Variants in ATP8B1 observed in about 807,000 individuals in gnomAD.
ATP8B1 encodes ATPase phospholipid transporting 8B1.
In ATP8B1, 80 loss-of-function variants were observed where a neutral mutation model predicts 149.9. That is an observed-to-expected ratio of 0.53 (90% CI 0.45 to 0.64). ATP8B1 has a LOEUF of 0.64. Ranked by LOEUF, ATP8B1 falls within the 30% of genes least tolerant of loss-of-function variation. The pLI, the probability that ATP8B1 is intolerant of heterozygous loss-of-function variation, is 0.00. For synonymous variants in ATP8B1, 536 were observed against 562.8 expected (o/e 0.95, Z 0.67); for missense variants, 1,247 against 1,552.6 (o/e 0.80, Z 3.31).
intron 1 of ATP8B1, chr18:57,732,143 G>GTATATATATGTGTATATA (rs1401834198): frequency 1.4e-4 from 5 of 36,790 alleles, no homozygotes; most frequent in Non-Finnish European, 2.2e-4. Context: ...ATGTATATAT[G>GTATATATATGTGTATATA]TGTATATATG....
In ATP8B1 at chr18:57,720,186, C is replaced by T. The variant is rs1213750847; in HGVS notation, c.181+11441G>A. On this transcript the variant is annotated intron_variant, in intron 2 of 27. Coordinates refer to ENST00000648908, the MANE Select transcript of ATP8B1 (RefSeq NM_001374385.1). ...AAACTGGAAACTCTAAAACGCAGAG[C>T]GTCTCTCCTCCTCCAAAGGAACGCA... Among the ~76,000 whole-genome samples the T allele has an allele frequency of 4.7e-5, 7 of 148,734 alleles. 1 individual carries two copies. In the South Asian group the frequency reaches 6.6e-4, roughly 14 times the overall value.
intron 1 of ATP8B1, among the ~76,000 whole-genome samples, chr18:57,757,626 A>G (rs987465411): frequency 1.3e-5 from 2 of 152,124 alleles, no homozygotes; most frequent in African/African-American, 4.8e-5. Flanking sequence ...GATTCCCACA[A>G]TGTTCTTTTC....
In ATP8B1 at chr18:57,694,592, A is replaced by G. The variant is rs1912708240; in HGVS notation, c.1019T>C (p.Met340Thr). The change falls in exon 11 of 28, where the codon ATG (methionine) becomes ACG (threonine). Residue 340 changes from methionine (M) to threonine (T), a missense_variant. Transcript: ENST00000648908. ...ATGAAAAATAAATACCGTGTAAACC[A>G]TGTAGTTCATCAAGTAATCAATTTT... The part of the protein sequence containing the change: ...RTKIDYLMNY[M>T]VYTIFVVLIL... The G allele has an allele frequency of 1.9e-6, 3 of 1,564,954 alleles. No individual in the cohort carries two copies. Among genetic ancestry groups the G allele is most frequent in the Non-Finnish European group, 2.6e-6 (3 of 1,135,590 alleles).
At position 57,648,418 on chromosome 18, in the gene ATP8B1, A is replaced by G. The variant is rs1016586157; in HGVS notation, c.*70T>C. On this transcript the variant is annotated 3_prime_UTR_variant, in exon 28 of 28. Coordinates refer to ENST00000648908, the MANE Select transcript of ATP8B1 (RefSeq NM_001374385.1). ...ATGAATGCAATTCACACACACACAC[A>G]AAGTCCTGAGAGTCTTTCATAAAAA... The G allele has an allele frequency of 3.9e-6, 6 of 1,530,226 alleles. No homozygotes were observed. In the Admixed American group the frequency reaches 6.7e-5, roughly 17 times the overall value. 94.8% of individuals were successfully genotyped at this position (1,530,226 alleles called of 1,614,324 possible).
chr18:57,772,231 C>T (rs534041391), intron 1 of ATP8B1, among the ~76,000 whole-genome samples: 1 of 152,300 alleles, frequency 6.6e-6, no homozygotes, highest in Admixed American at 6.5e-5. Context: ...CCATGACATT[C>T]ACTGTGAGTA....
At chr18:57,712,069 G>GTATATATATATATATATATATA (rs1913716925) in intron 2 of ATP8B1, among the ~76,000 whole-genome samples, 1 of 131,018 alleles carries the variant, frequency 7.6e-6, no homozygotes, top group African/African-American at 3.0e-5. Flanking sequence ...ATATATATAT[G>GTATATATATATATATATATATA]GCGAATATGG....
Position 57,646,923 on chromosome 18 carries a change from T to C in ATP8B1, c.*1565A>G, listed in dbSNP as rs948633882. ...TGTGAAAGACACAGAATGAGAAAAATGTCTGGAAAAAAATTACTTTCTCCT... is the reference window on the plus strand; with the variant it reads ...TGTGAAAGACACAGAATGAGAAAAACGTCTGGAAAAAAATTACTTTCTCCT... On this transcript the variant is annotated 3_prime_UTR_variant, in exon 28 of 28. Transcript: ENST00000648908. 1 of 152,298 alleles carries C rather than the reference T, an allele frequency of 6.6e-6. No homozygotes were observed. The highest frequency in any genetic ancestry group is 2.4e-5 in the African/African-American group (1 of 41,416). 9.4% of individuals were successfully genotyped at this position (152,298 alleles called of 1,614,324 possible).
intron 2 of ATP8B1, among the ~76,000 whole-genome samples, chr18:57,724,554 C>T (rs1160645630): frequency 6.6e-6 from 1 of 152,006 alleles, no homozygotes; most frequent in Non-Finnish European, 1.5e-5. Flanking sequence ...CTGTGAGATA[C>T]CATCTCACAC....
intron 5 of ATP8B1, 56 bp downstream of exon 5, chr18:57,701,159 G>A (rs1393815294): frequency 3.0e-5 from 49 of 1,611,628 alleles, no homozygotes; most frequent in East Asian, 2.5e-4. Context: ...AGGAAGGCAC[G>A]AGAACTTAAA....
intron 6 of ATP8B1, among the ~76,000 whole-genome samples, chr18:57,698,675 CTG>C (rs1568201299): frequency 6.6e-6 from 1 of 152,214 alleles, no homozygotes; most frequent in Non-Finnish European, 1.5e-5. Context: ...GACAAAGACA[CTG>C]TATTCCCTTT....
chr18:57,789,356 T>C (rs1043301965), intron 1 of ATP8B1, among the ~76,000 whole-genome samples: 8 of 152,208 alleles, frequency 5.3e-5, no homozygotes, highest in Non-Finnish European at 8.8e-5. Flanking sequence ...CTGCAATTTC[T>C]GGTTTTGTCA....
At chr18:57,786,896 CTT>C (rs2080415782) in intron 1 of ATP8B1, among the ~76,000 whole-genome samples, 3 of 152,184 alleles carry the variant, frequency 2.0e-5, no homozygotes, top group South Asian at 2.1e-4. Context: ...AAGAGATACT[CTT>C]ATCTTTTTTA....
In ATP8B1 at chr18:57,667,152, A is replaced by C; in HGVS notation, c.2225T>G (p.Ile742Arg). ...AGTCAGAAGTTCACAAGCAAATCCTATATTTTCAGCAGTTTCTACAATAGA... is the reference window on the plus strand; with the variant it reads ...AGTCAGAAGTTCACAAGCAAATCCTCTATTTTCAGCAGTTTCTACAATAGA... ...TGDKKETAENIGFACELLTED... is the reference protein window; with the variant it reads ...TGDKKETAENRGFACELLTED... Residue 742 changes from isoleucine to arginine, a missense_variant, in exon 20 of 28, where the codon ATA (isoleucine) becomes AGA (arginine). Coordinates refer to ENST00000648908, the MANE Select transcript of ATP8B1 (RefSeq NM_001374385.1). The C allele has an allele frequency of 6.2e-7, 1 of 1,611,902 alleles. No individual in the cohort carries two copies. The highest frequency in any genetic ancestry group is 8.5e-7 in the Non-Finnish European group (1 of 1,177,940).
intron 2 of ATP8B1, among the ~76,000 whole-genome samples, chr18:57,720,799 T>G (rs2079636916): frequency 6.6e-6 from 1 of 150,766 alleles, no homozygotes; most frequent in Admixed American, 6.6e-5. Flanking sequence ...AATTGTCAGA[T>G]TCACCAAAGT....
intron 18 of ATP8B1, chr18:57,668,946 C>T (rs1599093780): frequency 4.9e-6 from 1 of 205,324 alleles, no homozygotes; most frequent in East Asian, 1.3e-4. Flanking sequence ...CTTTTAGAAA[C>T]AATATATTTT....
chr18:57,706,631 T>C (rs1370600945), intron 2 of ATP8B1, 44 bp from the exon 3 acceptor site: 1 of 1,467,058 alleles, frequency 6.8e-7, no homozygotes, highest in Non-Finnish European at 9.5e-7. Context: ...CAAATTAACA[T>C]GTTGTTATGA....
intron 2 of ATP8B1, among the ~76,000 whole-genome samples, chr18:57,708,140 A>G (rs1195887552): frequency 7.0e-6 from 1 of 142,316 alleles, no homozygotes; most frequent in East Asian, 2.0e-4. Flanking sequence ...CCTGGGCGAC[A>G]GACGGAAACT....
chr18:57,662,619 G>C lies in ATP8B1; in HGVS notation c.2286-4C>G, dbSNP rs1408474054. The C allele has an allele frequency of 1.2e-6, 2 of 1,614,088 alleles. No individual in the cohort carries two copies. The highest frequency in any genetic ancestry group is 2.2e-5 in the East Asian group (1 of 44,886). Reference sequence around the variant, plus strand: ...CATCCTTGCATGAAGAAGAGAACTAGGGGAAACCAAATTTCAGTGTTTAAA... The same window carrying C: ...CATCCTTGCATGAAGAAGAGAACTACGGGAAACCAAATTTCAGTGTTTAAA... On this transcript the variant is annotated splice_polypyrimidine_tract_variant and splice_region_variant and intron_variant, in intron 20 of 27. Transcript: ENST00000648908.
chr18:57,762,287 C>T (rs972234732), intron 1 of ATP8B1, among the ~76,000 whole-genome samples: 4 of 151,776 alleles, frequency 2.6e-5, no homozygotes, highest in South Asian at 2.1e-4. Context: ...TACAGGTGCC[C>T]GCCAACACGC....
Sources: gnomAD v4.1 joint callset for allele counts (sites outside exome capture counted in the v4.1 genomes callset) on GRCh38, gnomAD v4.1.1 for gene constraint, MANE v1.5 for transcripts, NCBI Gene and HGNC (gene_info 2026-07-23, HGNC 2026-07-21) for gene names.